The following PLCG2 variants were observed in gnomAD, a reference collection of about 807,000 sequenced individuals.
The protein encoded by PLCG2 is 1-phosphatidylinositol 4,5-bisphosphate phosphodiesterase gamma-2.
A neutral mutation model predicts 175.6 loss-of-function variants in PLCG2; 69 were observed. The ratio of observed to expected loss-of-function variants is 0.39; its 90% CI spans 0.32 to 0.48. The LOEUF is 0.48. Ranked by LOEUF, PLCG2 falls within the 20% of genes least tolerant of loss-of-function variation. The pLI is 0.91. For synonymous variants in PLCG2, 827 were observed against 624.0 expected, an observed-to-expected ratio of 1.33 and a Z score of -4.85; for missense variants, 1,798 against 1,650.9, an observed-to-expected ratio of 1.09 and a Z score of -1.54.
intron 1 of PLCG2, among the ~76,000 whole-genome samples, chr16:81,753,220 G>A (rs1328324822): frequency 2.6e-5 from 4 of 152,046 alleles, no homozygotes; most frequent in African/African-American, 4.8e-5. Flanking sequence ...ACCAAGCTCA[G>A]GTCCACACAG....
Position 81,928,654 on chromosome 16 carries a change from T to A in PLCG2, c.2581+30T>A, listed in dbSNP as rs767139202. 16 of 1,481,306 alleles carry A rather than the reference T, an allele frequency of 1.1e-5. No individual in the cohort carries two copies. In the African/African-American group the frequency reaches 2.2e-4, roughly 20 times the overall value. 91.8% of individuals were successfully genotyped at this position (1,481,306 alleles called of 1,614,324 possible). ...GTGCACACATCATCTTAGCCTGGAT[T>A]TCCACCCCTATCCCCCATGGGCTGA... On this transcript the variant is annotated intron_variant, in intron 24 of 32. Coordinates refer to ENST00000564138, the MANE Select transcript of PLCG2 (RefSeq NM_002661.5).
chr16:81,764,331 A>G (rs577827800), intron 2 of PLCG2, among the ~76,000 whole-genome samples: 4 of 152,080 alleles, frequency 2.6e-5, no homozygotes, highest in Non-Finnish European at 5.9e-5. Context: ...AAAAAGTGAA[A>G]AGTTACAAAG....
At position 81,758,820 on chromosome 16, in the gene PLCG2, G is replaced by C. The variant is rs559528883; in HGVS notation, c.-48+2854G>C. On this transcript the variant is annotated intron_variant, in intron 2 of 5. Coordinates refer to the PLCG2 transcript ENST00000565054. ...AGCCTCCCGAGTAGCTGGGATTACA[G>C]GTGCACACCACCATGCCCAGCTAAT... Among the ~76,000 whole-genome samples, 116 of 152,164 alleles carry C rather than the reference G, an allele frequency of 7.6e-4. 2 individuals are homozygous for C. The Middle Eastern group carries it at 0.01, about 13-fold the overall frequency.
chr16:81,937,732 C>T (rs541722735), intron 27 of PLCG2, 26 bp from the exon 28 acceptor site: 5 of 1,607,722 alleles, frequency 3.1e-6, no homozygotes, highest in Middle Eastern at 3.3e-4. Flanking sequence ...GCCTGACTTA[C>T]AGCAGGCGTT....
At chr16:81,950,274 G>C (rs1006969124) in intron 31 of PLCG2, among the ~76,000 whole-genome samples, 1 of 152,108 alleles carries the variant, frequency 6.6e-6, no homozygotes, top group Admixed American at 6.6e-5. Flanking sequence ...GGGAAAATTG[G>C]GAAGGAAAAG....
chr16:81,837,012 C>G (rs1905552650), intron 2 of PLCG2, among the ~76,000 whole-genome samples: 1 of 152,168 alleles, frequency 6.6e-6, no homozygotes, highest in Non-Finnish European at 1.5e-5. Flanking sequence ...AAGTTGAGGA[C>G]CAGCGTTCTC....
chr16:81,799,097 C>A (rs1158692356), intron 2 of PLCG2: 1 of 152,254 alleles, frequency 6.6e-6, no homozygotes, highest in Non-Finnish European at 1.5e-5. Flanking sequence ...CTCTGAGCTG[C>A]TTCCCTCTGG....
chr16:81,878,835 G>A (rs62047363), intron 7 of PLCG2, among the ~76,000 whole-genome samples: 17,498 of 152,158 alleles, frequency 0.11, 1,115 homozygotes, highest in Non-Finnish European at 0.15. Flanking sequence ...CTCTTGCAGC[G>A]TTTGTGGCTC....
intron 1 of PLCG2, among the ~76,000 whole-genome samples, chr16:81,779,857 G>C (rs1910650963): frequency 6.6e-6 from 1 of 152,206 alleles, no homozygotes; most frequent in Non-Finnish European, 1.5e-5. Context: ...CGGTGGTTGC[G>C]GGTGGCGGGT....
chr16:81,892,959 C>G (rs1253120416), intron 11 of PLCG2, among the ~76,000 whole-genome samples: 1 of 151,958 alleles, frequency 6.6e-6, no homozygotes, highest in African/African-American at 2.4e-5. Flanking sequence ...ATTCTCCTGC[C>G]TCAGCCTCCC....
chr16:81,791,054 A>G (rs775567039), intron 2 of PLCG2, among the ~76,000 whole-genome samples: 1 of 152,110 alleles, frequency 6.6e-6, no homozygotes, highest in Non-Finnish European at 1.5e-5. Context: ...GTTTGGATGG[A>G]ATTTTCTCAT....
At position 81,899,270 on chromosome 16, in the gene PLCG2, GTA is replaced by G. The variant is rs369588165; in HGVS notation, c.1194-1323_1194-1322del. ...CTCCTGCCTCAGGAGGAGTATGTGT[GTA>G]TATATATATATATATATACACACAC... On this transcript the variant is annotated intron_variant, in intron 13 of 32. Transcript: ENST00000564138. 5.3e-3 allele frequency among the ~76,000 whole-genome samples: 775 copies of G among 147,562 alleles called. 2 individuals carry two copies. The highest frequency in any genetic ancestry group is 7.3e-3 in the Non-Finnish European group (485 of 66,808).
At chr16:81,924,953 A>T (rs1427881014) in intron 22 of PLCG2, among the ~76,000 whole-genome samples, 1 of 152,234 alleles carries the variant, frequency 6.6e-6, no homozygotes, top group African/African-American at 2.4e-5. Flanking sequence ...TTCCAGGCAC[A>T]CTGGCGTTCC....
chr16:81,921,758 A>G (rs891082468), intron 21 of PLCG2: 2 of 245,640 alleles, frequency 8.1e-6, no homozygotes, highest in Non-Finnish European at 8.0e-6. Context: ...GCAGAGGAAG[A>G]ACCACAGCGA....
intron 1 of PLCG2, among the ~76,000 whole-genome samples, chr16:81,782,273 T>G (rs1910771412): frequency 6.6e-6 from 1 of 151,580 alleles, no homozygotes; most frequent in Admixed American, 6.6e-5. Flanking sequence ...AATGTAAAAA[T>G]GGCAAAAATC....
At chr16:81,847,121 C>G (rs12933012) in intron 2 of PLCG2, among the ~76,000 whole-genome samples, 19,102 of 152,190 alleles carry the variant, frequency 0.13, 1,328 homozygotes, top group Middle Eastern at 0.17. Flanking sequence ...ATAACCCACT[C>G]CTTGGATTTG....
At chr16:81,898,230 G>A (rs1908983635) in intron 13 of PLCG2, 1 of 158,918 alleles carries the variant, frequency 6.3e-6, no homozygotes, top group Non-Finnish European at 1.4e-5. Context: ...CACCTATAGG[G>A]CTAGAACTCT....
intron 2 of PLCG2, among the ~76,000 whole-genome samples, chr16:81,827,920 G>A (rs189447329): frequency 6.6e-5 from 10 of 151,784 alleles, no homozygotes; most frequent in East Asian, 1.9e-4. Flanking sequence ...GAGAAACCCC[G>A]TCTCTACTAA....
At chr16:81,896,369 C>CACACACACACACAA (rs1404920049) in intron 13 of PLCG2, among the ~76,000 whole-genome samples, 8 of 152 alleles carry the variant, frequency 0.053, no homozygotes, top group African/African-American at 0.091. Flanking sequence ...TACCAAAACA[C>CACACACACACACAA]ACACACACAC....
Sources: allele counts gnomAD v4.1 joint callset (sites outside exome capture counted in the v4.1 genomes callset), GRCh38; gene constraint gnomAD v4.1.1; transcripts MANE v1.5; gene names NCBI Gene and HGNC (gene_info 2026-07-23, HGNC 2026-07-21).